TRPC5: variants seen among roughly 807,000 people sequenced by gnomAD.
TRPC5 encodes transient receptor potential cation channel subfamily C member 5, also known as short transient receptor potential channel 5.
A neutral mutation model predicts 56.5 loss-of-function variants in TRPC5; 9 were observed. The ratio of observed to expected loss-of-function variants is 0.16; its 90% CI spans 0.10 to 0.28. The LOEUF (loss-of-function observed/expected upper bound fraction) is 0.28. Ranked by LOEUF, TRPC5 falls within the 10% of genes least tolerant of loss-of-function variation. TRPC5 has a pLI of 1.00. For missense variants in TRPC5, 469 were observed against 748.9 expected (o/e 0.63, Z 4.36); for synonymous variants, 282 against 278.5 (o/e 1.01, Z -0.13).
At chrX:112,076,544 T>G (rs1297452488) in intron 1 of TRPC5, among the ~76,000 whole-genome samples, 1 of 111,854 alleles carries the variant, frequency 8.9e-6, no homozygotes, top group African/African-American at 3.2e-5. Flanking sequence ...TTTGTGCATT[T>G]TAAAGATTTT....
chrX:111,957,566 A>G (rs188255944), intron 1 of TRPC5, among the ~76,000 whole-genome samples: 61 of 111,807 alleles, frequency 5.5e-4, no homozygotes, highest in Non-Finnish European at 9.4e-4. Context: ...GCAGCTAGTA[A>G]GTGGTGGGAA....
At chrX:111,917,376 T>C (rs1926007382) in intron 2 of TRPC5, among the ~76,000 whole-genome samples, 1 of 111,830 alleles carries the variant, frequency 8.9e-6, no homozygotes, top group Non-Finnish European at 1.9e-5. Flanking sequence ...ATAGTGATTC[T>C]AGAGATAGAT....
At chrX:111,814,158 T>A (rs1239457463) in intron 7 of TRPC5, among the ~76,000 whole-genome samples, 4 of 111,969 alleles carry the variant, frequency 3.6e-5, no homozygotes, top group Non-Finnish European at 5.6e-5. Context: ...TTAAAAAATA[T>A]ACAGGAGTCT....
chrX:111,836,339 A>G (rs188534813), intron 6 of TRPC5, among the ~76,000 whole-genome samples: 23 of 112,191 alleles, frequency 2.1e-4, no homozygotes, highest in African/African-American at 6.8e-4. Flanking sequence ...TTAAGAATGG[A>G]TGCATTTTTC....
At chrX:112,019,687 G>A (rs982132224) in intron 1 of TRPC5, among the ~76,000 whole-genome samples, 6 of 111,928 alleles carry the variant, frequency 5.4e-5, no homozygotes, top group Non-Finnish European at 1.1e-4. Context: ...CGCCCACCTT[G>A]GCCTCCCAAA....
intron 3 of TRPC5, among the ~76,000 whole-genome samples, chrX:111,906,394 C>T (rs1470473383): frequency 9.1e-6 from 1 of 110,097 alleles, no homozygotes; most frequent in African/African-American, 3.3e-5. Context: ...TTAACAAAAT[C>T]TGTTGTTGAA....
chrX:111,802,914 C>A (rs1019847558), intron 7 of TRPC5, among the ~76,000 whole-genome samples: 1 of 110,040 alleles, frequency 9.1e-6, no homozygotes, highest in Admixed American at 9.8e-5. Context: ...TGTGCACAAC[C>A]TGCAGGTTCA....
chrX:112,026,684 G>C (rs1308294177), intron 1 of TRPC5, among the ~76,000 whole-genome samples: 1 of 110,532 alleles, frequency 9.0e-6, no homozygotes, highest in Non-Finnish European at 1.9e-5. Context: ...TATAGTCTAT[G>C]CTTGTTGTTT....
At position 112,082,394 on chromosome X, in the gene TRPC5, A is replaced by C. The variant is rs960298459; in HGVS notation, c.-537T>G. The stretch of plus-strand genomic sequence containing the variant: ...GAAGGAAGGGATGGAGAGAGAGGGG[A>C]GAGAGAGAGAAAAAAAGAGAGAGAG... On this transcript the variant is annotated 5_prime_UTR_variant, in exon 1 of 11. Transcript: ENST00000262839. The C allele has an allele frequency of 9.1e-6, 1 of 109,910 alleles. No individual in the cohort carries two copies. The highest frequency in any genetic ancestry group is 3.3e-5 in the African/African-American group (1 of 29,868). 9.1% of individuals were successfully genotyped at this position (109,910 alleles called of 1,213,427 possible).
At chrX:111,940,686 G>A (rs767842108) in intron 2 of TRPC5, among the ~76,000 whole-genome samples, 1 of 92,315 alleles carries the variant, frequency 1.1e-5, no homozygotes, top group South Asian at 5.6e-4. Context: ...GTGGGACTAC[G>A]TCTAAAAAAA....
chrX:111,981,642 T>G (rs1326744254), intron 1 of TRPC5, among the ~76,000 whole-genome samples: 1 of 111,849 alleles, frequency 8.9e-6, no homozygotes, highest in East Asian at 2.8e-4. Context: ...CCTAACATGA[T>G]GCAACTGTCC....
At chrX:111,925,299 G>T (rs887110316) in intron 2 of TRPC5, among the ~76,000 whole-genome samples, 1 of 112,436 alleles carries the variant, frequency 8.9e-6, no homozygotes, top group Non-Finnish European at 1.9e-5. Flanking sequence ...TGTGTCTGAG[G>T]CACAGAAGGT....
intron 1 of TRPC5, among the ~76,000 whole-genome samples, chrX:112,056,558 G>C (rs987737011): frequency 4.5e-5 from 5 of 111,988 alleles, no homozygotes; most frequent in Admixed American, 9.4e-5. Context: ...AAAATGAAAG[G>C]AGTTGAATTA....
At chrX:111,986,155 G>A (rs1216534701) in intron 1 of TRPC5, among the ~76,000 whole-genome samples, 1 of 111,095 alleles carries the variant, frequency 9.0e-6, no homozygotes, top group African/African-American at 3.3e-5. Flanking sequence ...AACTAAGGTA[G>A]GTCTGGCATT....
intron 7 of TRPC5, among the ~76,000 whole-genome samples, chrX:111,806,618 T>C (rs1210320397): frequency 1.8e-5 from 2 of 112,068 alleles, no homozygotes; most frequent in African/African-American, 6.5e-5. Flanking sequence ...TTTTGCCATA[T>C]TCTTTTTCTT....
At position 111,781,178 on chromosome X, in the gene TRPC5, T is replaced by G; in HGVS notation, c.2129A>C (p.Asn710Thr). The change falls in exon 9 of 11, where the codon AAT (asparagine) becomes ACT (threonine). Residue 710 changes from asparagine to threonine, a missense_variant. Asn to Thr is a moderately conservative substitution (Grantham distance 65). Coordinates refer to ENST00000262839, the MANE Select transcript of TRPC5 (RefSeq NM_012471.3). The stretch of plus-strand genomic sequence containing the variant: ...AGGAAGCTTTACCTGATAATGTTGA[T>G]TTTGTATCAGGCTGTCAGCATTGCG... ...TERNADSLIQ[N>T]QHYQEVIRNL... is the part of the protein sequence containing the mutation. The G allele has an allele frequency of 8.3e-7, 1 of 1,210,390 alleles. No homozygotes were observed. The highest frequency in any genetic ancestry group is 1.1e-6 in the Non-Finnish European group (1 of 894,321).
At chrX:111,965,014 A>C (rs745347607) in intron 1 of TRPC5, among the ~76,000 whole-genome samples, 9 of 112,125 alleles carry the variant, frequency 8.0e-5, no homozygotes, top group Non-Finnish European at 1.7e-4. Flanking sequence ...GCTCCAGTTA[A>C]AAGACACAAA....
chrX:111,901,685 T>C, intron 3 of TRPC5: 1 of 400,198 alleles, frequency 2.5e-6, no homozygotes, highest in Non-Finnish European at 4.3e-6. Context: ...TGTTCTACTG[T>C]TCTCATTCTT....
intron 1 of TRPC5, among the ~76,000 whole-genome samples, chrX:112,003,521 C>T (rs1488302196): frequency 3.6e-5 from 4 of 110,501 alleles, no homozygotes; most frequent in Non-Finnish European, 7.6e-5. Context: ...TCGGGTGTTT[C>T]TTAATGTGAG....
Sources: gnomAD v4.1 joint callset for allele counts (sites outside exome capture counted in the v4.1 genomes callset) on GRCh38, gnomAD v4.1.1 for gene constraint, MANE v1.5 for transcripts, NCBI Gene and HGNC (gene_info 2026-07-23, HGNC 2026-07-21) for gene names.